DLG2: variants seen among roughly 807,000 people sequenced by gnomAD.
DLG2 encodes discs large MAGUK scaffold protein 2.
A neutral mutation model predicts 132.5 loss-of-function variants in DLG2; 45 were observed. That is an observed-to-expected ratio of 0.34 (90% CI 0.27 to 0.44). The LOEUF is 0.44. Among genes scored for constraint, DLG2 ranks in the 20% least tolerant of loss-of-function variants. The pLI is 1.00. For synonymous variants in DLG2, 424 were observed against 419.6 expected, an observed-to-expected ratio of 1.01 and a Z score of -0.13; for missense variants, 1,045 against 1,196.9, an observed-to-expected ratio of 0.87 and a Z score of 1.87.
intron 22 of DLG2, among the ~76,000 whole-genome samples, chr11:83,477,535 A>G (rs952110017): frequency 6.6e-6 from 1 of 152,098 alleles, no homozygotes; most frequent in Non-Finnish European, 1.5e-5. Context: ...CTTTGAAGTA[A>G]GGTTGCCACG....
At chr11:85,510,481 G>A (rs552517982) in intron 3 of DLG2, among the ~76,000 whole-genome samples, 1 of 151,786 alleles carries the variant, frequency 6.6e-6, no homozygotes, top group East Asian at 1.9e-4. Flanking sequence ...TCTGACAAAG[G>A]GCTAATATCC....
intron 6 of DLG2, among the ~76,000 whole-genome samples, chr11:84,580,188 G>T (rs551261325): frequency 6.6e-6 from 1 of 152,048 alleles, no homozygotes; most frequent in Non-Finnish European, 1.5e-5. Context: ...ATATACCAAG[G>T]GTTTGCAGTA....
At chr11:83,628,398 G>A (rs1284288376) in intron 19 of DLG2, among the ~76,000 whole-genome samples, 2 of 152,176 alleles carry the variant, frequency 1.3e-5, no homozygotes, top group African/African-American at 4.8e-5. Flanking sequence ...CCTGGCAGAA[G>A]CTAGCAACTG....
chr11:84,631,627 T>C (rs2099632304), intron 6 of DLG2, among the ~76,000 whole-genome samples: 1 of 152,074 alleles, frequency 6.6e-6, no homozygotes, highest in Non-Finnish European at 1.5e-5. Context: ...CAAGACGATA[T>C]TACAATAGGC....
chr11:83,829,026 A>AT (rs1403570756), intron 17 of DLG2, among the ~76,000 whole-genome samples: 4 of 152,140 alleles, frequency 2.6e-5, no homozygotes, highest in Non-Finnish European at 5.9e-5. Flanking sequence ...GTTATTGTCT[A>AT]TTATGCAAGT....
At chr11:85,569,419 T>C (rs2077720419) in intron 3 of DLG2, among the ~76,000 whole-genome samples, 1 of 152,222 alleles carries the variant, frequency 6.6e-6, no homozygotes, top group Admixed American at 6.5e-5. Flanking sequence ...TGTTCTGTTT[T>C]TTCTTTATTC....
At chr11:84,330,881 G>A (rs189710532) in intron 7 of DLG2, among the ~76,000 whole-genome samples, 2 of 152,204 alleles carry the variant, frequency 1.3e-5, no homozygotes, top group East Asian at 1.9e-4. Flanking sequence ...CAAAAACTGG[G>A]CAAAAGTTGA....
chr11:84,438,284 T>A (rs1347308942), intron 7 of DLG2, among the ~76,000 whole-genome samples: 2 of 152,146 alleles, frequency 1.3e-5, no homozygotes, highest in Non-Finnish European at 2.9e-5. Context: ...AAGGGCAAAG[T>A]GAGCAGGATG....
intron 11 of DLG2, among the ~76,000 whole-genome samples, chr11:84,033,986 C>A (rs1350444472): frequency 3.3e-5 from 5 of 152,170 alleles, no homozygotes; most frequent in African/African-American, 9.7e-5. Flanking sequence ...GAAGCTGAGG[C>A]AGGAGAATCG....
chr11:84,393,790 T>C (rs1240651493), intron 7 of DLG2, among the ~76,000 whole-genome samples: 1 of 152,234 alleles, frequency 6.6e-6, no homozygotes, highest in Non-Finnish European at 1.5e-5. Context: ...CGTTTACTTA[T>C]CAAATTCTAA....
Position 84,391,257 on chromosome 11 carries a change from T to C in DLG2, c.520-139966A>G, listed in dbSNP as rs570189054. Among the ~76,000 whole-genome samples the C allele has an allele frequency of 3.3e-5, 5 of 152,242 alleles. No homozygotes were observed. The South Asian group carries it at 1.0e-3, about 32-fold the overall frequency. Reference sequence around the variant, plus strand: ...AAGATCTTGACGATATATTATTAAGTGACAAAAAATTAAAATGCAGACAAG... The same window carrying C: ...AAGATCTTGACGATATATTATTAAGCGACAAAAAATTAAAATGCAGACAAG... On this transcript the variant is annotated intron_variant, in intron 7 of 27. Transcript: ENST00000376104.
chr11:84,426,788 C>A (rs746137050), intron 7 of DLG2, among the ~76,000 whole-genome samples: 13 of 152,068 alleles, frequency 8.5e-5, no homozygotes, highest in Non-Finnish European at 1.9e-4. Context: ...ATAATACTTC[C>A]TTTCAAAGGA....
At chr11:85,209,397 T>C (rs1429620123) in intron 4 of DLG2, among the ~76,000 whole-genome samples, 2 of 148,550 alleles carry the variant, frequency 1.3e-5, no homozygotes, top group Non-Finnish European at 3.0e-5. Context: ...CAATTCTGAT[T>C]TAATGCCTCC....
intron 3 of DLG2, among the ~76,000 whole-genome samples, chr11:85,522,789 G>A (rs752381841): frequency 1.5e-4 from 23 of 152,174 alleles, no homozygotes; most frequent in Non-Finnish European, 2.5e-4. Flanking sequence ...GGAATGGGTG[G>A]ATTTACCCAA....
chr11:83,751,425 A>C (rs2093301008), intron 18 of DLG2, among the ~76,000 whole-genome samples: 1 of 152,208 alleles, frequency 6.6e-6, no homozygotes, highest in Non-Finnish European at 1.5e-5. Context: ...TTTAGAGTAG[A>C]AGAATAAGAT....
At chr11:84,702,196 G>T (rs2059296010) in intron 6 of DLG2, among the ~76,000 whole-genome samples, 1 of 151,612 alleles carries the variant, frequency 6.6e-6, no homozygotes, top group South Asian at 2.1e-4. Flanking sequence ...GGTCTTCTGT[G>T]CTATACTTCT....
At chr11:85,250,868 T>A (rs148962889) in intron 4 of DLG2, among the ~76,000 whole-genome samples, 1 of 152,212 alleles carries the variant, frequency 6.6e-6, no homozygotes, top group African/African-American at 2.4e-5. Context: ...AAAAAATATA[T>A]ATTTTAACTA....
At chr11:83,995,715 C>T (rs1035420518) in intron 11 of DLG2, among the ~76,000 whole-genome samples, 27 of 152,084 alleles carry the variant, frequency 1.8e-4, no homozygotes, top group African/African-American at 6.5e-4. Flanking sequence ...CCAAAACATA[C>T]ACTGGTGAAA....
intron 21 of DLG2, among the ~76,000 whole-genome samples, chr11:83,486,631 C>T (rs2093528807): frequency 6.6e-6 from 1 of 152,042 alleles, no homozygotes; most frequent in Admixed American, 6.6e-5. Context: ...CTGATTGGGA[C>T]ATAATACTAC....
Sources: gnomAD v4.1 joint callset for allele counts (sites outside exome capture counted in the v4.1 genomes callset) on GRCh38, gnomAD v4.1.1 for gene constraint, MANE v1.5 for transcripts, NCBI Gene and HGNC (gene_info 2026-07-23, HGNC 2026-07-21) for gene names.